The following CALD1 variants were observed in gnomAD, a reference collection of about 807,000 sequenced individuals.
CALD1 encodes the protein caldesmon.
In CALD1, 33 loss-of-function variants were observed where a neutral mutation model predicts 99.9. That is an observed-to-expected ratio of 0.33 (90% CI 0.25 to 0.44). The LOEUF (loss-of-function observed/expected upper bound fraction) is 0.44. Among genes scored for constraint, CALD1 ranks in the 20% least tolerant of loss-of-function variants. The probability of loss-of-function intolerance (pLI) is 1.00; values close to 1 mark genes in which losing one functional copy is unlikely to be tolerated. For missense variants in CALD1, 861 were observed against 962.1 expected (o/e 0.89, Z 1.39); for synonymous variants, 310 against 325.0 (o/e 0.95, Z 0.50).
Position 134,965,308 on chromosome 7 carries a change from C to T in CALD1, c.2298C>T (p.Asp766=). Reference sequence around the variant, plus strand: ...TTTTTCTGCTTCCTTTTTATCAGGACTTGAGACCAGGAGACGTATCCAGCA... The same window carrying T: ...TTTTTCTGCTTCCTTTTTATCAGGATTTGAGACCAGGAGACGTATCCAGCA... ...GNKSPAPKPS[D]LRPGDVSSKR... is the part of the protein sequence containing the mutation. The change falls in exon 14 of 15, where the codon GAC becomes GAT. Residue 766 remains aspartate (D), a splice_region_variant and synonymous_variant. Transcript: ENST00000361675. The T allele has an allele frequency of 1.3e-6, 2 of 1,556,072 alleles. No homozygotes were observed. Among genetic ancestry groups the T allele is most frequent in the South Asian group, 1.1e-5 (1 of 89,866 alleles).
At chr7:134,821,605 C>T (rs140246545) in intron 1 of CALD1, among the ~76,000 whole-genome samples, 24,339 of 98,732 alleles carry the variant, frequency 0.25, 3,277 homozygotes, top group East Asian at 0.53. Flanking sequence ...TTTTTTGAGA[C>T]AGAGTCTCGC....
chr7:134,839,808 G>GC (rs951357635), intron 1 of CALD1, among the ~76,000 whole-genome samples: 7 of 152,052 alleles, frequency 4.6e-5, no homozygotes, highest in African/African-American at 1.7e-4. Context: ...TCCCACCTTA[G>GC]CCCCCCATGT....
intron 14 of CALD1, among the ~76,000 whole-genome samples, chr7:134,966,079 C>T (rs1301052889): frequency 6.6e-6 from 1 of 152,122 alleles, no homozygotes; most frequent in Non-Finnish European, 1.5e-5. Context: ...TAATAGACCT[C>T]GTGTTCTCCT....
intron 1 of CALD1, among the ~76,000 whole-genome samples, chr7:134,757,111 T>C (rs1449003663): frequency 6.6e-6 from 1 of 152,076 alleles, no homozygotes; most frequent in Admixed American, 6.5e-5. Context: ...TTGGGCTTTT[T>C]TTTTAAGCCT....
At chr7:134,839,627 A>C (rs180793723) in intron 1 of CALD1, among the ~76,000 whole-genome samples, 9 of 152,240 alleles carry the variant, frequency 5.9e-5, no homozygotes, top group Admixed American at 5.9e-4. Flanking sequence ...CATAAGTTTC[A>C]ATTTGAATTT....
At chr7:134,793,091 G>A (rs933397805) in intron 1 of CALD1, among the ~76,000 whole-genome samples, 1 of 152,204 alleles carries the variant, frequency 6.6e-6, no homozygotes, top group African/African-American at 2.4e-5. Flanking sequence ...AGCCAAGGAC[G>A]GGGCTCAGTG....
At chr7:134,878,517 C>T (rs181406861) in intron 3 of CALD1, among the ~76,000 whole-genome samples, 74 of 152,018 alleles carry the variant, frequency 4.9e-4, no homozygotes, top group Non-Finnish European at 7.9e-4. Flanking sequence ...TGCAGTGAGC[C>T]GAGATCGCAC....
At chr7:134,760,636 T>A (rs1292216443) in intron 1 of CALD1, among the ~76,000 whole-genome samples, 1 of 152,158 alleles carries the variant, frequency 6.6e-6, no homozygotes, top group Non-Finnish European at 1.5e-5. Flanking sequence ...AAGGATGATA[T>A]ATAAAACAGT....
intron 1 of CALD1, among the ~76,000 whole-genome samples, chr7:134,821,254 AAAC>A (rs1470546076): frequency 1.3e-5 from 2 of 151,028 alleles, no homozygotes; most frequent in Admixed American, 1.3e-4. Flanking sequence ...TCTGTAGTTA[AAAC>A]AACAACAAGC....
intron 3 of CALD1, among the ~76,000 whole-genome samples, chr7:134,897,772 C>T (rs1802688667): frequency 6.6e-6 from 1 of 152,000 alleles, no homozygotes; most frequent in Admixed American, 6.6e-5. Context: ...AGTGGCACAA[C>T]CTTGGCTCAC....
At chr7:134,849,842 C>G (rs555620381) in intron 2 of CALD1, among the ~76,000 whole-genome samples, 1 of 152,300 alleles carries the variant, frequency 6.6e-6, no homozygotes, top group South Asian at 2.1e-4. Flanking sequence ...CTCAACACCC[C>G]CATGCCTAAC....
Position 134,958,241 on chromosome 7 carries a change from T to C in CALD1, c.2012T>C (p.Ile671Thr). 6.2e-7 allele frequency: 1 copy of C among 1,613,972 alleles called. No homozygotes were observed. The highest frequency in any genetic ancestry group is 1.1e-5 in the South Asian group (1 of 91,080). Residue 671 changes from isoleucine to threonine, a missense_variant, in exon 11 of 15, where the codon ATA becomes ACA. Physicochemically the swap from Ile to Thr is moderately conservative, Grantham distance 89. Transcript: ENST00000361675. ...SGVKSTHQAAIVSKIDSRLEQ... is the reference protein window; with the variant it reads ...SGVKSTHQAATVSKIDSRLEQ... ...GTCAAATCGACCCATCAAGCAGCAA[T>C]AGTCTCCAAGATTGACAGCAGACTG...
rs151015473 is a variant in CALD1 at position 134,902,590 on chromosome 7, G to A, written c.72-26164G>A. Among the ~76,000 whole-genome samples the A allele has an allele frequency of 3.6e-3, 549 of 152,158 alleles. 10 individuals are homozygous for A. Among genetic ancestry groups the A allele is most frequent in the African/African-American group, 0.013 (520 of 41,448 alleles). ...TCATGAGCCCACCTCGGAGCTACAGGGAAATCTCCATCCAAGATCCCCAGA... is the reference window on the plus strand; with the variant it reads ...TCATGAGCCCACCTCGGAGCTACAGAGAAATCTCCATCCAAGATCCCCAGA... On this transcript the variant is annotated intron_variant, in intron 3 of 14. Transcript: ENST00000361675.
At chr7:134,744,769 C>T (rs1402553834) in intron 1 of CALD1, among the ~76,000 whole-genome samples, 1 of 152,090 alleles carries the variant, frequency 6.6e-6, no homozygotes, top group Non-Finnish European at 1.5e-5. Context: ...TGTTTCTGCT[C>T]TTCCTTGAAG....
upstream of CALD1, among the ~76,000 whole-genome samples, chr7:134,779,028 C>T (rs771659688): frequency 2.6e-5 from 4 of 152,098 alleles, no homozygotes; most frequent in Non-Finnish European, 5.9e-5. Flanking sequence ...CTCTTTCAGG[C>T]TAGAATTTAG....
intron 1 of CALD1, among the ~76,000 whole-genome samples, chr7:134,760,131 G>A (rs1796763561): frequency 6.6e-6 from 1 of 152,146 alleles, no homozygotes. Context: ...TAGAGCAAAG[G>A]GAGAGAGCAC....
intron 1 of CALD1, among the ~76,000 whole-genome samples, chr7:134,757,419 G>A (rs992457423): frequency 3.9e-5 from 6 of 151,996 alleles, no homozygotes; most frequent in African/African-American, 7.3e-5. Context: ...CTGTATGTTC[G>A]CTTGTTGATG....
upstream of CALD1, among the ~76,000 whole-genome samples, chr7:134,778,651 C>T (rs1163303322): frequency 6.6e-6 from 1 of 152,206 alleles, no homozygotes; most frequent in African/African-American, 2.4e-5. Flanking sequence ...AATTCTGACC[C>T]TCTTATAGCA....
chr7:134,865,347 C>G (rs949341255), intron 2 of CALD1, among the ~76,000 whole-genome samples: 2 of 148,350 alleles, frequency 1.3e-5, no homozygotes, highest in South Asian at 2.2e-4. Flanking sequence ...TTCTCTCCCC[C>G]ACACAAGACA....
Sources: allele counts gnomAD v4.1 joint callset (sites outside exome capture counted in the v4.1 genomes callset), GRCh38; gene constraint gnomAD v4.1.1; transcripts MANE v1.5; gene names NCBI Gene and HGNC (gene_info 2026-07-23, HGNC 2026-07-21).